LRRTM4: variants seen among roughly 807,000 people sequenced by gnomAD.
The protein encoded by LRRTM4 is leucine-rich repeat transmembrane neuronal protein 4.
A neutral mutation model predicts 47.6 loss-of-function variants in LRRTM4; 25 were observed. The ratio of observed to expected loss-of-function variants is 0.53; its 90% CI spans 0.38 to 0.73. LRRTM4 has a LOEUF of 0.73. Among genes scored for constraint, LRRTM4 ranks in the 30% least tolerant of loss-of-function variants. The probability of loss-of-function intolerance (pLI) is 0.00; values close to 1 mark genes in which losing one functional copy is unlikely to be tolerated. For missense variants in LRRTM4, 638 were observed against 713.4 expected (o/e 0.89, Z 1.20); for synonymous variants, 311 against 269.5 (o/e 1.15, Z -1.51).
intron 3 of LRRTM4, among the ~76,000 whole-genome samples, chr2:77,001,618 C>A (rs1270372099): frequency 2.0e-5 from 3 of 152,222 alleles, no homozygotes; most frequent in East Asian, 3.9e-4. Flanking sequence ...ATCCTTATAG[C>A]CACTTTTCTA....
intron 3 of LRRTM4, among the ~76,000 whole-genome samples, chr2:76,805,421 A>T (rs1675918159): frequency 6.6e-6 from 1 of 152,276 alleles, no homozygotes; most frequent in African/African-American, 2.4e-5. Flanking sequence ...GTGACAAAAG[A>T]GGTTCTGAAA....
intron 3 of LRRTM4, among the ~76,000 whole-genome samples, chr2:77,351,589 A>G (rs1182512407): frequency 6.8e-6 from 1 of 148,138 alleles, no homozygotes; most frequent in African/African-American, 2.5e-5. Context: ...AAAAATTAAC[A>G]TGCTTTTGTG....
chr2:77,037,540 C>T (rs940217900), intron 3 of LRRTM4, among the ~76,000 whole-genome samples: 1 of 150,026 alleles, frequency 6.7e-6, no homozygotes, highest in Non-Finnish European at 1.5e-5. Context: ...CAGGTACTTC[C>T]TTTGTTGCTG....
chr2:77,036,392 A>G (rs973933898), intron 3 of LRRTM4, among the ~76,000 whole-genome samples: 1 of 151,668 alleles, frequency 6.6e-6, no homozygotes, highest in South Asian at 2.1e-4. Context: ...TTCAAACTCT[A>G]GAACATTATT....
intron 3 of LRRTM4, among the ~76,000 whole-genome samples, chr2:77,015,780 C>G (rs557807364): frequency 1.3e-5 from 2 of 152,128 alleles, no homozygotes; most frequent in Non-Finnish European, 2.9e-5. Flanking sequence ...ATACTGAGGA[C>G]TTGCCGCCAT....
At chr2:76,809,854 A>G (rs1670677675) in intron 3 of LRRTM4, among the ~76,000 whole-genome samples, 1 of 152,082 alleles carries the variant, frequency 6.6e-6, no homozygotes, top group African/African-American at 2.4e-5. Flanking sequence ...GTCTTTGGAC[A>G]TTCTGTTTTT....
intron 3 of LRRTM4, among the ~76,000 whole-genome samples, chr2:76,910,145 A>G (rs13431229): frequency 0.35 from 53,242 of 151,558 alleles, 10,032 homozygotes; most frequent in East Asian, 0.68. Context: ...GCACATAGAC[A>G]CCATGGAATA....
intron 3 of LRRTM4, among the ~76,000 whole-genome samples, chr2:76,946,517 A>G (rs17333696): frequency 0.14 from 21,077 of 151,842 alleles, 1,787 homozygotes; most frequent in Admixed American, 0.21. Context: ...ATCAAAGGTC[A>G]GGCTTTTGGT....
intron 3 of LRRTM4, among the ~76,000 whole-genome samples, chr2:77,477,923 GAAAGA>G (rs1421118292): frequency 1.2e-5 from 1 of 82,046 alleles, no homozygotes; most frequent in Non-Finnish European, 2.8e-5. Context: ...AAGAAAGAAA[GAAAGA>G]AAGAAAGAAA....
At chr2:77,244,753 T>C (rs1362571371) in intron 3 of LRRTM4, among the ~76,000 whole-genome samples, 1 of 152,182 alleles carries the variant, frequency 6.6e-6, no homozygotes, top group Non-Finnish European at 1.5e-5. Context: ...ATTTTGCTCC[T>C]CCCTTTCTCA....
At chr2:76,763,576 G>A (rs188166813) in intron 3 of LRRTM4, among the ~76,000 whole-genome samples, 2 of 152,322 alleles carry the variant, frequency 1.3e-5, no homozygotes, top group African/African-American at 4.8e-5. Flanking sequence ...AAGCCACCTA[G>A]CCTATGCAGA....
intron 3 of LRRTM4, among the ~76,000 whole-genome samples, chr2:77,151,113 G>A (rs975250896): frequency 7.3e-5 from 11 of 149,948 alleles, no homozygotes; most frequent in East Asian, 1.9e-4. Flanking sequence ...GACTACGTCC[G>A]TGTATGTGTG....
chr2:77,287,877 C>T (rs912401524), intron 3 of LRRTM4, among the ~76,000 whole-genome samples: 4 of 152,044 alleles, frequency 2.6e-5, no homozygotes, highest in South Asian at 2.1e-4. Flanking sequence ...TGGTACTATC[C>T]GTGCCTTGGG....
At chr2:76,947,087 T>C (rs1675345835) in intron 3 of LRRTM4, among the ~76,000 whole-genome samples, 1 of 151,874 alleles carries the variant, frequency 6.6e-6, no homozygotes, top group Non-Finnish European at 1.5e-5. Flanking sequence ...AGGAAGTATT[T>C]AGATTTGAAT....
At chr2:77,498,036 A>G (rs1272940155) in intron 3 of LRRTM4, among the ~76,000 whole-genome samples, 1 of 151,856 alleles carries the variant, frequency 6.6e-6, no homozygotes. Context: ...AGAACTAAAC[A>G]TGGCAGGGCT....
At chr2:77,038,621 T>C (rs1055466094) in intron 3 of LRRTM4, among the ~76,000 whole-genome samples, 1 of 151,512 alleles carries the variant, frequency 6.6e-6, no homozygotes, top group Non-Finnish European at 1.5e-5. Flanking sequence ...AAACTATGTA[T>C]GGATAGAACT....
At chr2:77,304,570 T>G (rs1341526061) in intron 3 of LRRTM4, among the ~76,000 whole-genome samples, 2 of 152,064 alleles carry the variant, frequency 1.3e-5, no homozygotes, top group Non-Finnish European at 2.9e-5. Context: ...ATAGGATGAA[T>G]AGAAGTCAAA....
At chr2:77,160,648 T>C (rs1672686925) in intron 3 of LRRTM4, among the ~76,000 whole-genome samples, 1 of 152,190 alleles carries the variant, frequency 6.6e-6, no homozygotes, top group South Asian at 2.1e-4. Context: ...GCTTGTGCTT[T>C]ATTTATTTCC....
intron 3 of LRRTM4, among the ~76,000 whole-genome samples, chr2:77,064,817 G>T (rs1011314495): frequency 6.6e-6 from 1 of 152,072 alleles, no homozygotes; most frequent in African/African-American, 2.4e-5. Flanking sequence ...TATCTGGGCC[G>T]TGCTTTTTTC....
Sources: gnomAD v4.1 joint callset for allele counts (sites outside exome capture counted in the v4.1 genomes callset) on GRCh38, gnomAD v4.1.1 for gene constraint, MANE v1.5 for transcripts, NCBI Gene and HGNC (gene_info 2026-07-23, HGNC 2026-07-21) for gene names.